BCAR3: variants seen among roughly 807,000 people sequenced by gnomAD.
BCAR3 encodes the protein breast cancer anti-estrogen resistance protein 3.
Under a neutral mutation model 80.1 loss-of-function variants are expected in BCAR3, and 37 were observed. That is an observed-to-expected ratio of 0.46 (90% CI 0.36 to 0.61). BCAR3 has a LOEUF of 0.61. Among genes scored for constraint, BCAR3 ranks in the 20% least tolerant of loss-of-function variants. The probability of loss-of-function intolerance (pLI) is 0.00; values close to 1 mark genes in which losing one functional copy is unlikely to be tolerated. For missense variants in BCAR3, 978 were observed against 1,068.2 expected (o/e 0.92, Z 1.18); for synonymous variants, 389 against 418.9 (o/e 0.93, Z 0.87).
Position 93,781,386 on chromosome 1 carries a change from C to T in BCAR3, c.-63+64181G>A, listed in dbSNP as rs368418459. On this transcript the variant is annotated intron_variant, in intron 2 of 13. Coordinates refer to the BCAR3 transcript ENST00000370244. The stretch of plus-strand genomic sequence containing the variant: ...GTAATTTGCTGACCCTCAGTGTGTG[C>T]CAGAACAGCCATAAAGGAACCGGGC... 3.4e-4 allele frequency among the ~76,000 whole-genome samples: 52 copies of T among 152,206 alleles called. 1 individual carries two copies. The East Asian group carries it at 9.7e-3, about 28-fold the overall frequency.
At chr1:93,718,151 G>A (rs187289312) in intron 2 of BCAR3, among the ~76,000 whole-genome samples, 325 of 152,304 alleles carry the variant, frequency 2.1e-3, no homozygotes, top group South Asian at 3.9e-3. Flanking sequence ...TGTAGCAGAT[G>A]TTGAATTCCA....
intron 1 of BCAR3, among the ~76,000 whole-genome samples, chr1:93,676,543 G>C (rs1278623885): frequency 6.6e-6 from 1 of 152,182 alleles, no homozygotes; most frequent in Non-Finnish European, 1.5e-5. Context: ...CTCACAGTGG[G>C]TGCAGAACAA....
chr1:93,782,980 T>C (rs1431302727), intron 2 of BCAR3, among the ~76,000 whole-genome samples: 3 of 152,138 alleles, frequency 2.0e-5, no homozygotes, highest in African/African-American at 7.2e-5. Context: ...ACATTTACTC[T>C]ATAAAAATGG....
intron 3 of BCAR3, among the ~76,000 whole-genome samples, chr1:93,689,175 G>A (rs577065588): frequency 1.3e-5 from 2 of 152,114 alleles, no homozygotes; most frequent in African/African-American, 2.4e-5. Context: ...CTGTGGGAAC[G>A]CAGAGAAGGG....
chr1:93,762,680 T>G (rs991059770), intron 2 of BCAR3, among the ~76,000 whole-genome samples: 15 of 152,182 alleles, frequency 9.9e-5, no homozygotes, highest in African/African-American at 3.6e-4. Flanking sequence ...ACCCCAATAC[T>G]CTCTGAAAAA....
At chr1:93,661,780 C>T (rs758199418) in intron 2 of BCAR3, among the ~76,000 whole-genome samples, 4 of 152,232 alleles carry the variant, frequency 2.6e-5, no homozygotes, top group Middle Eastern at 3.2e-3. Flanking sequence ...TTAGCCACTG[C>T]GCCCAGCCCC....
At chr1:93,716,489 T>C (rs1272924467) in intron 2 of BCAR3, among the ~76,000 whole-genome samples, 2 of 152,176 alleles carry the variant, frequency 1.3e-5, no homozygotes, top group Non-Finnish European at 1.5e-5. Flanking sequence ...GCCTGTGAGA[T>C]CAAGGGTGAT....
chr1:93,692,920 T>C (rs1487323193), intron 3 of BCAR3, among the ~76,000 whole-genome samples: 1 of 152,138 alleles, frequency 6.6e-6, no homozygotes, highest in Non-Finnish European at 1.5e-5. Context: ...TCAGAGTGTG[T>C]GGGGGTCTCA....
intron 2 of BCAR3, among the ~76,000 whole-genome samples, chr1:93,645,277 G>GAAAA (rs567597016): frequency 6.9e-6 from 1 of 145,862 alleles, no homozygotes; most frequent in African/African-American, 2.5e-5. Context: ...TTTCAAGGGG[G>GAAAA]AAAAAAAAAA....
At chr1:93,705,405 T>C (rs1341805993) in intron 3 of BCAR3, among the ~76,000 whole-genome samples, 2 of 152,164 alleles carry the variant, frequency 1.3e-5, no homozygotes, top group African/African-American at 4.8e-5. Context: ...TGTTATGCCA[T>C]ATAAACCCAC....
chr1:93,777,308 ATTAT>A (rs1652588404), intron 2 of BCAR3, among the ~76,000 whole-genome samples: 1 of 152,184 alleles, frequency 6.6e-6, no homozygotes, highest in Non-Finnish European at 1.5e-5. Context: ...ACCCAGAATT[ATTAT>A]TTATTTAAGA....
At chr1:93,696,020 T>C (rs1188962818) in intron 3 of BCAR3, among the ~76,000 whole-genome samples, 1 of 151,966 alleles carries the variant, frequency 6.6e-6, no homozygotes, top group Admixed American at 6.6e-5. Context: ...CACAGTATAA[T>C]GCAACCTGCT....
chr1:93,777,472 T>C, intron 2 of BCAR3, among the ~76,000 whole-genome samples: 1 of 117,280 alleles, frequency 8.5e-6, no homozygotes, highest in South Asian at 2.5e-4. Context: ...CTCCTCTTCT[T>C]CCTCCTCCTC....
intron 2 of BCAR3, chr1:93,845,502 A>ATATATCATGTTGTC: frequency 1.8e-5 from 2 of 113,820 alleles, no homozygotes; most frequent in African/African-American, 3.5e-5. Flanking sequence ...ATATATATAT[A>ATATATCATGTTGTC]AAACTTTGTT....
At chr1:93,707,894 C>T (rs1156926236) in intron 2 of BCAR3, among the ~76,000 whole-genome samples, 3 of 152,204 alleles carry the variant, frequency 2.0e-5, no homozygotes, top group Admixed American at 2.0e-4. Context: ...CACAGCCAGA[C>T]TTCAATCTAA....
intron 2 of BCAR3, among the ~76,000 whole-genome samples, chr1:93,735,366 T>C (rs113038083): frequency 0.023 from 3,520 of 152,272 alleles, 142 homozygotes; most frequent in African/African-American, 0.081. Flanking sequence ...CCTCTCCCAC[T>C]CCTCACATGG....
rs144040899 is a variant in BCAR3, at chr1:93,765,168, A to C, written c.-62-59026T>G. 4.4e-3 allele frequency among the ~76,000 whole-genome samples: 669 copies of C among 152,274 alleles called. 5 individuals are homozygous for C. Among genetic ancestry groups the C allele is most frequent in the African/African-American group, 0.015 (635 of 41,536 alleles). On this transcript the variant is annotated intron_variant, in intron 2 of 13. Coordinates refer to the BCAR3 transcript ENST00000370244. ...TAATTAAGGACCAAGTGGTTTACCCAAAAAAAGTACTTGCTTTCCCTTTGT... is the reference window on the plus strand; with the variant it reads ...TAATTAAGGACCAAGTGGTTTACCCCAAAAAAGTACTTGCTTTCCCTTTGT...
intron 2 of BCAR3, among the ~76,000 whole-genome samples, chr1:93,721,490 T>A (rs1456528132): frequency 6.6e-6 from 1 of 152,126 alleles, no homozygotes; most frequent in Non-Finnish European, 1.5e-5. Flanking sequence ...GACTTTGTAT[T>A]GTTATTCTCC....
intron 2 of BCAR3, among the ~76,000 whole-genome samples, chr1:93,659,671 C>T (rs1198454872): frequency 2.6e-5 from 4 of 152,214 alleles, no homozygotes; most frequent in Admixed American, 6.5e-5. Context: ...ATGACAATCA[C>T]GGTTCTAAGG....
Sources: allele counts gnomAD v4.1 joint callset (sites outside exome capture counted in the v4.1 genomes callset), GRCh38; gene constraint gnomAD v4.1.1; transcripts MANE v1.5; gene names NCBI Gene and HGNC (gene_info 2026-07-23, HGNC 2026-07-21).